Variants in BABAM2 observed in about 807,000 individuals in gnomAD.
BABAM2 encodes BRISC and BRCA1 A complex member 2.
In BABAM2, 31 loss-of-function variants were observed where a neutral mutation model predicts 54.7. That is an observed-to-expected ratio of 0.57 (90% CI 0.43 to 0.77). The LOEUF is 0.77. Ranked by LOEUF, BABAM2 falls within the 30% of genes least tolerant of loss-of-function variation. The pLI is 0.00. For synonymous variants in BABAM2, 167 were observed against 162.9 expected (o/e 1.03, Z -0.19); for missense variants, 364 against 455.8 (o/e 0.80, Z 1.83).
At chr2:27,985,169 A>G (rs1672315886) in intron 3 of BABAM2, among the ~76,000 whole-genome samples, 1 of 150,122 alleles carries the variant, frequency 6.7e-6, no homozygotes, top group Non-Finnish European at 1.5e-5. Flanking sequence ...GCAATTGTGA[A>G]TTGTGCTGCT....
intron 3 of BABAM2, among the ~76,000 whole-genome samples, chr2:27,961,257 C>A (rs961644560): frequency 6.6e-6 from 1 of 152,146 alleles, no homozygotes; most frequent in Non-Finnish European, 1.5e-5. Context: ...AGACAACAGA[C>A]GGTCCGATCC....
intron 8 of BABAM2, 113 bp from the exon 9 acceptor site, chr2:28,241,210 A>C: frequency 2.1e-6 from 2 of 953,560 alleles, no homozygotes; most frequent in Non-Finnish European, 3.3e-6. Context: ...GGTAGTGGGA[A>C]TACCGGTGTT....
intron 6 of BABAM2, among the ~76,000 whole-genome samples, chr2:28,107,772 C>T (rs62140430): frequency 6.6e-6 from 1 of 152,084 alleles, no homozygotes; most frequent in Non-Finnish European, 1.5e-5. Context: ...TCCCACTAGA[C>T]TGTGAAGATT....
intron 6 of BABAM2, among the ~76,000 whole-genome samples, chr2:28,120,691 C>T (rs1573621562): frequency 6.6e-6 from 1 of 152,166 alleles, no homozygotes; most frequent in East Asian, 1.9e-4. Context: ...GAGATCTCTA[C>T]CCTGCCCTCA....
chr2:28,149,411 T>A (rs571309044), intron 7 of BABAM2, among the ~76,000 whole-genome samples: 160 of 152,320 alleles, frequency 1.1e-3, no homozygotes, highest in African/African-American at 3.8e-3. Flanking sequence ...CTTTGTATAT[T>A]TGCACAATCA....
At chr2:27,929,666 T>C (rs1021160676) in intron 2 of BABAM2, among the ~76,000 whole-genome samples, 166 bp from the exon 3 acceptor site, 14 of 152,260 alleles carry the variant, frequency 9.2e-5, no homozygotes, top group African/African-American at 3.4e-4. Context: ...CGAGTCTTCA[T>C]GTCTTGGCTT....
intron 7 of BABAM2, among the ~76,000 whole-genome samples, chr2:28,174,380 G>A (rs1408219011): frequency 6.6e-6 from 1 of 152,212 alleles, no homozygotes; most frequent in Non-Finnish European, 1.5e-5. Context: ...GGCTTCAAGA[G>A]GGCTGACTAG....
intron 10 of BABAM2, among the ~76,000 whole-genome samples, chr2:28,252,318 T>G (rs1300829207): frequency 1.3e-5 from 2 of 152,218 alleles, no homozygotes; most frequent in Non-Finnish European, 2.9e-5. Flanking sequence ...AAAAGAAAAT[T>G]TACTAAATGC....
intron 11 of BABAM2, among the ~76,000 whole-genome samples, chr2:28,317,999 G>C (rs538108723): frequency 6.6e-6 from 1 of 152,322 alleles, no homozygotes; most frequent in African/African-American, 2.4e-5. Context: ...TTTAAACTGT[G>C]GATAGATTTT....
At chr2:28,084,897 T>C (rs1215755933) in intron 6 of BABAM2, among the ~76,000 whole-genome samples, 3 of 152,182 alleles carry the variant, frequency 2.0e-5, no homozygotes, top group East Asian at 3.8e-4. Flanking sequence ...TTTTAAAAGA[T>C]AGAATGTGTA....
intron 3 of BABAM2, among the ~76,000 whole-genome samples, chr2:27,930,640 G>C (rs1348228163): frequency 6.6e-6 from 1 of 152,216 alleles, no homozygotes; most frequent in East Asian, 1.9e-4. Flanking sequence ...AGGCTAAACT[G>C]AATGTGTCTG....
chr2:28,146,277 A>G (rs776757800), intron 7 of BABAM2, among the ~76,000 whole-genome samples: 19 of 152,170 alleles, frequency 1.2e-4, no homozygotes, highest in Non-Finnish European at 1.3e-4. Context: ...TCAGCAGACT[A>G]TTCTTAAGCT....
intron 6 of BABAM2, among the ~76,000 whole-genome samples, chr2:28,096,377 CAAA>C (rs10594441): frequency 2.1e-4 from 29 of 139,596 alleles, no homozygotes; most frequent in South Asian, 4.4e-4. Flanking sequence ...TGTTGATCAG[CAAA>C]AAAAAAAAAA....
At chr2:28,130,159 A>G (rs906768877) in intron 7 of BABAM2, among the ~76,000 whole-genome samples, 2 of 152,180 alleles carry the variant, frequency 1.3e-5, no homozygotes, top group African/African-American at 2.4e-5. Flanking sequence ...GAAATGTATT[A>G]TTAAAATTCT....
intron 7 of BABAM2, among the ~76,000 whole-genome samples, chr2:28,140,874 G>A (rs140254403): frequency 0.01 from 1,552 of 152,186 alleles, 12 homozygotes; most frequent in Non-Finnish European, 0.014. Context: ...GGCTTAAATG[G>A]TAGAAGTTTA....
chr2:28,077,911 T>G (rs2148668343), intron 6 of BABAM2, among the ~76,000 whole-genome samples: 1 of 152,332 alleles, frequency 6.6e-6, no homozygotes, highest in East Asian at 1.9e-4. Flanking sequence ...CCACTTGGTT[T>G]CTGGCTTAAG....
At chr2:28,034,838 G>A (rs1007991881) in intron 5 of BABAM2, among the ~76,000 whole-genome samples, 4 of 152,154 alleles carry the variant, frequency 2.6e-5, no homozygotes, top group Non-Finnish European at 5.9e-5. Context: ...TGCTTGTGAG[G>A]AATCTTTCAG....
chr2:28,215,978 A>G (rs9309660), intron 7 of BABAM2, among the ~76,000 whole-genome samples: 149,016 of 152,314 alleles, frequency 0.98, 72,983 homozygotes, highest in Middle Eastern at 1. Context: ...TCTCTCAGAG[A>G]CACCTGAATC....
intron 3 of BABAM2, among the ~76,000 whole-genome samples, chr2:27,949,146 G>A (rs1024497720): frequency 6.6e-6 from 1 of 152,192 alleles, no homozygotes. Flanking sequence ...GGAATAAGAA[G>A]GAAGGCGAGT....
Sources: allele counts gnomAD v4.1 joint callset (sites outside exome capture counted in the v4.1 genomes callset), GRCh38; gene constraint gnomAD v4.1.1; transcripts MANE v1.5; gene names NCBI Gene and HGNC (gene_info 2026-07-23, HGNC 2026-07-21).